GABBR2: variants seen among roughly 807,000 people sequenced by gnomAD.
The protein encoded by GABBR2 is G-protein coupled receptor 51.
Under a neutral mutation model 105.6 loss-of-function variants are expected in GABBR2, and 23 were observed. The ratio of observed to expected loss-of-function variants is 0.22; its 90% confidence interval spans 0.16 to 0.31. The LOEUF is 0.31. Ranked by LOEUF, GABBR2 falls within the 10% of genes least tolerant of loss-of-function variation. The pLI is 1.00. For missense variants in GABBR2, 734 were observed against 1,245.5 expected, an observed-to-expected ratio of 0.59 and a Z score of 6.18; for synonymous variants, 478 against 499.7, an observed-to-expected ratio of 0.96 and a Z score of 0.58.
chr9:98,301,001 A>G (rs1398077629), intron 16 of GABBR2, among the ~76,000 whole-genome samples: 1 of 152,224 alleles, frequency 6.6e-6, no homozygotes, highest in Non-Finnish European at 1.5e-5. Flanking sequence ...AGGTTCCTGG[A>G]GCATGGGGCC....
intron 7 of GABBR2, among the ~76,000 whole-genome samples, chr9:98,426,357 T>C (rs941844846): frequency 9.9e-5 from 15 of 152,232 alleles, no homozygotes; most frequent in African/African-American, 3.4e-4. Context: ...TTTCTCCATT[T>C]GCAAAATGGT....
At chr9:98,706,684 TG>T (rs1830899356) in intron 1 of GABBR2, among the ~76,000 whole-genome samples, 1 of 152,212 alleles carries the variant, frequency 6.6e-6, no homozygotes, top group Non-Finnish European at 1.5e-5. Flanking sequence ...AAACTGATGA[TG>T]AAAACATTAT....
At chr9:98,504,230 A>C (rs1316192005) in intron 3 of GABBR2, among the ~76,000 whole-genome samples, 3 of 152,210 alleles carry the variant, frequency 2.0e-5, no homozygotes, top group Non-Finnish European at 4.4e-5. Flanking sequence ...ATGAGACAGA[A>C]AGCAAGAAAG....
chr9:98,311,562 G>A (rs1398422289), intron 13 of GABBR2, among the ~76,000 whole-genome samples: 2 of 152,186 alleles, frequency 1.3e-5, no homozygotes, highest in Non-Finnish European at 2.9e-5. Flanking sequence ...GTGAGAATGA[G>A]GTATAAAGTT....
At chr9:98,511,143 A>C (rs1827633068) in intron 3 of GABBR2, among the ~76,000 whole-genome samples, 1 of 152,136 alleles carries the variant, frequency 6.6e-6, no homozygotes, top group South Asian at 2.1e-4. Flanking sequence ...AACAACCTGC[A>C]CCTCAATGAC....
intron 3 of GABBR2, among the ~76,000 whole-genome samples, chr9:98,498,704 G>C (rs1043751641): frequency 1.3e-5 from 2 of 152,244 alleles, no homozygotes; most frequent in Non-Finnish European, 1.5e-5. Context: ...CACAGTCAGC[G>C]TGAACCTTGT....
At chr9:98,483,893 C>T (rs1269722121) in intron 4 of GABBR2, among the ~76,000 whole-genome samples, 3 of 152,198 alleles carry the variant, frequency 2.0e-5, no homozygotes, top group South Asian at 2.1e-4. Flanking sequence ...CTGAAGTAAG[C>T]GTAACTTGAC....
intron 2 of GABBR2, among the ~76,000 whole-genome samples, chr9:98,557,321 A>G (rs1436361245): frequency 2.6e-5 from 4 of 152,134 alleles, no homozygotes; most frequent in Non-Finnish European, 5.9e-5. Flanking sequence ...CTGCACCTCC[A>G]TCAGACCTTA....
At chr9:98,293,618 A>G (rs940010174) in intron 18 of GABBR2, among the ~76,000 whole-genome samples, 167 bp downstream of exon 18, 1 of 152,326 alleles carries the variant, frequency 6.6e-6, no homozygotes, top group African/African-American at 2.4e-5. Context: ...CTTTTTGAAT[A>G]TTAGTTTTTC....
chr9:98,465,134 A>AAAAAAAAAAAAAAAAAAAAAT, intron 6 of GABBR2, among the ~76,000 whole-genome samples: 1 of 149,022 alleles, frequency 6.7e-6, no homozygotes, highest in Non-Finnish European at 1.5e-5. Flanking sequence ...AAAAAAAAAA[A>AAAAAAAAAAAAAAAAAAAAAT]AAAAAAAAAA....
At chr9:98,371,102 TC>T (rs1831773540) in intron 12 of GABBR2, among the ~76,000 whole-genome samples, 1 of 151,912 alleles carries the variant, frequency 6.6e-6, no homozygotes, top group African/African-American at 2.4e-5. Flanking sequence ...CCTCCTCCCA[TC>T]CCCAGGCTGC....
intron 1 of GABBR2, among the ~76,000 whole-genome samples, chr9:98,626,051 G>T (rs1040889394): frequency 1.3e-5 from 2 of 152,192 alleles, no homozygotes; most frequent in Non-Finnish European, 1.5e-5. Flanking sequence ...CTCCCTGACC[G>T]GGAGAAGAAG....
intron 6 of GABBR2, among the ~76,000 whole-genome samples, chr9:98,470,809 A>G (rs535840013): frequency 6.6e-5 from 10 of 151,554 alleles, no homozygotes; most frequent in African/African-American, 2.2e-4. Context: ...TTTTTTTGGC[A>G]TTATTTTAAT....
At chr9:98,573,718 A>T (rs1828869399) in intron 2 of GABBR2, among the ~76,000 whole-genome samples, 1 of 152,234 alleles carries the variant, frequency 6.6e-6, no homozygotes, top group South Asian at 2.1e-4. Context: ...ATATAGAAGG[A>T]TGTAGAACAG....
At chr9:98,598,476 G>A (rs1829271126) in intron 1 of GABBR2, among the ~76,000 whole-genome samples, 1 of 152,072 alleles carries the variant, frequency 6.6e-6, no homozygotes, top group Admixed American at 6.5e-5. Context: ...GCTGGCGGGT[G>A]CAGTCAGCTG....
At chr9:98,683,217 C>G (rs975586883) in intron 1 of GABBR2, among the ~76,000 whole-genome samples, 6 of 152,352 alleles carry the variant, frequency 3.9e-5, no homozygotes, top group Non-Finnish European at 7.3e-5. Context: ...TCTCAACCTC[C>G]CAAGTACCTG....
At chr9:98,488,910 T>C (rs978884186) in intron 4 of GABBR2, among the ~76,000 whole-genome samples, 2 of 152,212 alleles carry the variant, frequency 1.3e-5, no homozygotes, top group Non-Finnish European at 2.9e-5. Flanking sequence ...GGCAAGTTAT[T>C]AAACTTTCGT....
At chr9:98,626,464 C>T (rs1481285270) in intron 1 of GABBR2, among the ~76,000 whole-genome samples, 1 of 152,074 alleles carries the variant, frequency 6.6e-6, no homozygotes, top group African/African-American at 2.4e-5. Context: ...ATGAGTTGGA[C>T]CTCTTGTTTA....
chr9:98,597,895 C>T (rs772425768), intron 1 of GABBR2, among the ~76,000 whole-genome samples: 1 of 152,132 alleles, frequency 6.6e-6, no homozygotes, highest in Non-Finnish European at 1.5e-5. Flanking sequence ...TCTCGGCTCA[C>T]TGTAACCTCT....
Sources: gnomAD v4.1 joint callset for allele counts (sites outside exome capture counted in the v4.1 genomes callset) on GRCh38, gnomAD v4.1.1 for gene constraint, MANE v1.5 for transcripts, NCBI Gene and HGNC (gene_info 2026-07-23, HGNC 2026-07-21) for gene names.